Variants in ZFAT observed in about 807,000 individuals in gnomAD.
ZFAT encodes the protein zinc finger protein ZFAT.
In ZFAT, 64 loss-of-function variants were observed where a neutral mutation model predicts 117.7. The observed-to-expected ratio is 0.54, with a 90% confidence interval of 0.44 to 0.67. The LOEUF is 0.67. Among genes scored for constraint, ZFAT ranks in the 30% least tolerant of loss-of-function variants. ZFAT has a pLI of 0.00. For synonymous variants in ZFAT, 679 were observed against 615.0 expected (o/e 1.10, Z -1.54); for missense variants, 1,433 against 1,584.5 (o/e 0.90, Z 1.62).
intron 1 of ZFAT, 105 bp from the exon 2 acceptor site, chr8:134,657,842 C>T: frequency 8.3e-7 from 1 of 1,208,618 alleles, no homozygotes; most frequent in Admixed American, 2.4e-5. Context: ...GAGCCATCAC[C>T]AGCCTCTACC....
At chr8:134,738,675 G>A in the ZFAT span, among the ~76,000 whole-genome samples, 1 of 152,084 alleles carries the variant, frequency 6.6e-6, no homozygotes, top group Non-Finnish European at 1.5e-5. Context: ...GAGGAATGTA[G>A]GGGTGCAGAG....
chr8:134,762,177 G>A, the ZFAT span, among the ~76,000 whole-genome samples: 1 of 152,154 alleles, frequency 6.6e-6, no homozygotes, highest in Non-Finnish European at 1.5e-5. Context: ...CCTCTCTCAT[G>A]TACAGCAAGG....
chr8:134,755,552 C>T, the ZFAT span, among the ~76,000 whole-genome samples: 2 of 151,982 alleles, frequency 1.3e-5, no homozygotes, highest in African/African-American at 2.4e-5. Context: ...TGGCTCATGC[C>T]TGTAATCCCC....
At chr8:134,567,321 T>C (rs1190218311) in intron 10 of ZFAT, among the ~76,000 whole-genome samples, 1 of 152,184 alleles carries the variant, frequency 6.6e-6, no homozygotes, top group African/African-American at 2.4e-5. Flanking sequence ...TTTCATCTCC[T>C]AAATATTTCT....
intron 1 of ZFAT, among the ~76,000 whole-genome samples, chr8:134,690,234 AC>A: frequency 6.6e-6 from 1 of 152,204 alleles, no homozygotes; most frequent in Non-Finnish European, 1.5e-5. Flanking sequence ...GGCTTCCACC[AC>A]CCCCAAACTC....
At chr8:134,622,488 G>A (rs1829191277) in intron 3 of ZFAT, among the ~76,000 whole-genome samples, 1 of 152,140 alleles carries the variant, frequency 6.6e-6, no homozygotes, top group African/African-American at 2.4e-5. Context: ...GCCCCTGCAG[G>A]GAGTGAGATG....
the ZFAT span, among the ~76,000 whole-genome samples, chr8:134,809,100 A>G: frequency 6.6e-6 from 1 of 152,164 alleles, no homozygotes; most frequent in African/African-American, 2.4e-5. Context: ...AGAGAAACAC[A>G]GCTCCCCTTT....
chr8:134,522,435 C>T (rs1401329283), intron 12 of ZFAT, among the ~76,000 whole-genome samples: 2 of 152,270 alleles, frequency 1.3e-5, no homozygotes, highest in Non-Finnish European at 2.9e-5. Flanking sequence ...GCATCCCACT[C>T]TGACGACTAT....
the ZFAT span, among the ~76,000 whole-genome samples, chr8:134,729,686 A>G: frequency 1.3e-5 from 2 of 152,012 alleles, no homozygotes; most frequent in African/African-American, 4.8e-5. Flanking sequence ...CCCTGTTACT[A>G]CACCTGAATA....
intron 13 of ZFAT, among the ~76,000 whole-genome samples, chr8:134,514,164 C>T (rs933733336): frequency 9.9e-5 from 15 of 152,226 alleles, no homozygotes; most frequent in Non-Finnish European, 1.8e-4. Context: ...TTCATGGCAG[C>T]TTCCTGGCTG....
intron 5 of ZFAT, among the ~76,000 whole-genome samples, chr8:134,605,321 C>T (rs547582045): frequency 2.6e-5 from 4 of 151,996 alleles, no homozygotes; most frequent in East Asian, 1.9e-4. Flanking sequence ...CTGAGGAGGG[C>T]GGATCACAAG....
rs761347408 is a variant in ZFAT, at chr8:134,602,178, T to A, written c.1541A>T (p.Asp514Val). Residue 514 changes from aspartate to valine, a missense_variant, in exon 6 of 16, where the codon GAC (aspartate) becomes GTC (valine). Physicochemically the swap from Asp to Val is radical, Grantham distance 152. Transcript: ENST00000377838. ...GGDIQQEALG[D>V]QLQLVEEEFA... ...CTCCTCTTCCACCAGCTGTAGCTGG[T>A]CCCCCAGAGCTTCTTGCTGGATGTC... 1.1e-5 allele frequency: 17 copies of A among 1,613,328 alleles called. 1 individual carries two copies. Among genetic ancestry groups the A allele is most frequent in the Admixed American group, 6.7e-5 (4 of 60,012 alleles).
At chr8:134,547,958 G>A (rs762162939) in intron 11 of ZFAT, among the ~76,000 whole-genome samples, 1 of 152,204 alleles carries the variant, frequency 6.6e-6, no homozygotes, top group African/African-American at 2.4e-5. Flanking sequence ...ACTGTGAGAG[G>A]AGGGAAGAAC....
At chr8:134,509,870 C>T (rs564109572) in intron 14 of ZFAT, 121 bp from the exon 15 acceptor site, 88 of 1,253,904 alleles carry the variant, frequency 7.0e-5, no homozygotes, top group Admixed American at 3.6e-4. Flanking sequence ...ATGGGCTCTC[C>T]GTAATCGCTC....
At chr8:134,822,025 C>T in the ZFAT span, among the ~76,000 whole-genome samples, 1 of 152,078 alleles carries the variant, frequency 6.6e-6, no homozygotes, top group African/African-American at 2.4e-5. Flanking sequence ...GATACAGCGT[C>T]TTGGGTTTTT....
chr8:134,780,428 T>C, the ZFAT span, among the ~76,000 whole-genome samples: 1 of 152,222 alleles, frequency 6.6e-6, no homozygotes, highest in Non-Finnish European at 1.5e-5. Context: ...TCTTTCAAGT[T>C]CCACCTGCTG....
chr8:134,709,784 G>A (rs2131370562), intron 1 of ZFAT, among the ~76,000 whole-genome samples: 1 of 152,226 alleles, frequency 6.6e-6, no homozygotes, highest in Middle Eastern at 3.4e-3. Context: ...CAAGGTATGG[G>A]GAGAAAAGAA....
At chr8:134,721,074 A>G in the ZFAT span, among the ~76,000 whole-genome samples, 8 of 152,180 alleles carry the variant, frequency 5.3e-5, no homozygotes, top group African/African-American at 1.9e-4. Flanking sequence ...CTGTGGCTCT[A>G]TCATCCACTT....
intron 5 of ZFAT, among the ~76,000 whole-genome samples, chr8:134,603,584 G>A (rs1028149564): frequency 1.3e-5 from 2 of 152,204 alleles, no homozygotes; most frequent in Admixed American, 6.5e-5. Flanking sequence ...ATGACCCCTG[G>A]CCTTTCTTCA....
Sources: allele counts gnomAD v4.1 joint callset (sites outside exome capture counted in the v4.1 genomes callset), GRCh38; gene constraint gnomAD v4.1.1; transcripts MANE v1.5; gene names NCBI Gene and HGNC (gene_info 2026-07-23, HGNC 2026-07-21).